Variants in DIP2A observed in about 807,000 individuals in gnomAD.
The protein encoded by DIP2A is disco-interacting protein 2 homolog A.
Under a neutral mutation model 177.4 loss-of-function variants are expected in DIP2A, and 85 were observed. That is an observed-to-expected ratio of 0.48 (90% CI 0.40 to 0.57). The LOEUF is 0.57. Ranked by LOEUF, DIP2A falls within the 20% of genes least tolerant of loss-of-function variation. DIP2A has a pLI of 0.00. For synonymous variants in DIP2A, 886 were observed against 881.8 expected, an observed-to-expected ratio of 1.00 and a Z score of -0.08; for missense variants, 1,791 against 2,100.2, an observed-to-expected ratio of 0.85 and a Z score of 2.88.
intron 3 of DIP2A, among the ~76,000 whole-genome samples, chr21:46,495,734 A>T (rs927013479): frequency 2.0e-5 from 3 of 152,116 alleles, no homozygotes; most frequent in Non-Finnish European, 4.4e-5. Flanking sequence ...CAGCTTCCTG[A>T]GTAGCTGGGA....
At chr21:46,477,617 A>G (rs1161438374) in intron 1 of DIP2A, among the ~76,000 whole-genome samples, 4 of 124,336 alleles carry the variant, frequency 3.2e-5, no homozygotes, top group East Asian at 5.0e-4. Context: ...CCTGTCGCCC[A>G]GGCTGGAGTA....
chr21:46,560,731 G>A lies in DIP2A; in HGVS notation c.3979G>A (p.Gly1327Ser), dbSNP rs1238719207. The change falls in exon 33 of 38, where the codon GGC becomes AGC. Residue 1327 changes from glycine (G) to serine (S), a missense_variant. Coordinates refer to ENST00000417564, the MANE Select transcript of DIP2A (RefSeq NM_015151.4). Reference protein sequence around the residue: ...NVAICLQGTAGPDPTTVYVDM... With the variant: ...NVAICLQGTASPDPTTVYVDM... Reference sequence around the variant, plus strand: ...GCTGCTCTCCTTCCAGGGCACAGCTGGCCCGGACCCCACAACCGTCTACGT... The same window carrying A: ...GCTGCTCTCCTTCCAGGGCACAGCTAGCCCGGACCCCACAACCGTCTACGT... 1 of 1,608,558 alleles carries A rather than the reference G, an allele frequency of 6.2e-7. No homozygotes were observed. The highest frequency in any genetic ancestry group is 1.3e-5 in the African/African-American group (1 of 74,960).
At chr21:46,462,943 G>A (rs1305126887) in intron 1 of DIP2A, 1 of 152,200 alleles carries the variant, frequency 6.6e-6, no homozygotes, top group Non-Finnish European at 1.5e-5. Flanking sequence ...CTGGTAGAAT[G>A]CTATGATTTA....
intron 36 of DIP2A, 123 bp downstream of exon 36, chr21:46,566,010 G>A (rs2060826015): frequency 1.7e-6 from 2 of 1,170,524 alleles, no homozygotes; most frequent in African/African-American, 1.5e-5. Flanking sequence ...TCCTTGTGGG[G>A]GGAAGATGTT....
rs8130290 is a variant in DIP2A, at chr21:46,521,138, C to T, written c.1103-7954C>T. On this transcript the variant is annotated intron_variant, in intron 8 of 37. Transcript: ENST00000417564. ...TCCAAATAATCTGTCTCCTTTCTTT[C>T]CCTTCTTTTTCCTATAGTTTATTCA... Among the ~76,000 whole-genome samples the T allele has an allele frequency of 1.7e-3, 258 of 152,220 alleles. 3 individuals carry two copies. Among genetic ancestry groups the T allele is most frequent in the African/African-American group, 5.8e-3 (242 of 41,540 alleles).
chr21:46,567,297 C>T (rs776200120), intron 37 of DIP2A, 73 bp from the exon 38 acceptor site: 1 of 1,545,040 alleles, frequency 6.5e-7, no homozygotes, highest in Non-Finnish European at 8.7e-7. Flanking sequence ...TTGTGCCACC[C>T]TTTCCCAAGC....
chr21:46,484,342 A>G (rs1405473350), intron 1 of DIP2A, among the ~76,000 whole-genome samples: 3 of 152,206 alleles, frequency 2.0e-5, no homozygotes, highest in Non-Finnish European at 4.4e-5. Flanking sequence ...TGACAAACGC[A>G]TATGCTCATG....
rs1284365417 is a variant in DIP2A at position 46,550,425 on chromosome 21, G to C, written c.2638-118G>C. On this transcript the variant is annotated intron_variant, in intron 22 of 37. Coordinates refer to ENST00000417564, the MANE Select transcript of DIP2A (RefSeq NM_015151.4). ...TCCTCATTTAACAAAGTGTCCAGAGGGCATTCCATTTCCTGGCCTGGGGAA... is the reference window on the plus strand; with the variant it reads ...TCCTCATTTAACAAAGTGTCCAGAGCGCATTCCATTTCCTGGCCTGGGGAA... 3.3e-6 allele frequency: 3 copies of C among 915,672 alleles called. No individual in the cohort carries two copies. The African/African-American group carries it at 5.0e-5, about 15-fold the overall frequency. The allele number at this position is 915,672 out of a possible 1,614,324, so 56.7% of individuals were successfully genotyped here.
At chr21:46,571,888 T>G (rs778303364), downstream of DIP2A, among the ~76,000 whole-genome samples, 2 of 152,240 alleles carry the variant, frequency 1.3e-5, no homozygotes, top group Non-Finnish European at 2.9e-5. Context: ...GAATATGCTT[T>G]CTTTCTTTCT....
At chr21:46,544,009 G>A (rs993147240) in intron 18 of DIP2A, among the ~76,000 whole-genome samples, 2 of 152,146 alleles carry the variant, frequency 1.3e-5, no homozygotes, top group South Asian at 4.1e-4. Context: ...GGCACAGAAG[G>A]ACAGTTCCTA....
intron 20 of DIP2A, 72 bp downstream of exon 20, chr21:46,546,033 G>T: frequency 6.2e-7 from 1 of 1,608,110 alleles, no homozygotes; most frequent in Non-Finnish European, 8.5e-7. Context: ...ACACCTCGTT[G>T]CAGCCCCACC....
intron 3 of DIP2A, among the ~76,000 whole-genome samples, chr21:46,491,006 T>G (rs1387337653): frequency 6.6e-6 from 1 of 152,240 alleles, no homozygotes; most frequent in African/African-American, 2.4e-5. Context: ...AATAATTTCT[T>G]TAAAACTTTT....
chr21:46,498,569 A>C lies in DIP2A; in HGVS notation c.404-13A>C. On this transcript the variant is annotated splice_polypyrimidine_tract_variant and intron_variant, in intron 4 of 37. Coordinates refer to ENST00000417564, the MANE Select transcript of DIP2A (RefSeq NM_015151.4). This position sits in a 1 kb window ranked among gnomAD's most constrained non-coding sequence, Gnocchi z 4.3. ...TCCCGATATCATGCCTGTCATCGTT[A>C]TTTTAACCACAGACACGTCGTCTGC... The C allele has an allele frequency of 6.3e-7, 1 of 1,596,988 alleles. No individual in the cohort carries two copies. Among genetic ancestry groups the C allele is most frequent in the Non-Finnish European group, 8.5e-7 (1 of 1,169,860 alleles).
At chr21:46,573,349 T>C (rs961490462), downstream of DIP2A, among the ~76,000 whole-genome samples, 1 of 151,972 alleles carries the variant, frequency 6.6e-6, no homozygotes, top group African/African-American at 2.4e-5. Context: ...TATTAATATA[T>C]TGAGAGTGAC....
downstream of DIP2A, among the ~76,000 whole-genome samples, chr21:46,573,645 CAAAAAAAAAAAAAAA>C (rs201994694): frequency 3.8e-4 from 20 of 52,978 alleles, no homozygotes; most frequent in Admixed American, 1.0e-3. Flanking sequence ...CCCTCTCTCA[CAAAAAAAAAAAAAAA>C]AAAAAAAAAA....
intron 18 of DIP2A, among the ~76,000 whole-genome samples, chr21:46,542,582 G>T (rs1731293330): frequency 1.3e-5 from 2 of 152,244 alleles, no homozygotes; most frequent in Non-Finnish European, 2.9e-5. Flanking sequence ...TTTCCTTGCT[G>T]GCCTGAGGCA....
chr21:46,520,764 C>T (rs747342562), intron 8 of DIP2A, among the ~76,000 whole-genome samples: 10 of 152,144 alleles, frequency 6.6e-5, no homozygotes, highest in Non-Finnish European at 1.0e-4. Context: ...AAGTTTCACA[C>T]GATTTTGGAA....
chr21:46,498,495 G>T lies in DIP2A; in HGVS notation c.404-87G>T. Reference sequence around the variant, plus strand: ...GTGTACAGAAGCATGCTGCACACAGGTCTGGGAGGCTCCAGTGTGAGTGGG... The same window carrying T: ...GTGTACAGAAGCATGCTGCACACAGTTCTGGGAGGCTCCAGTGTGAGTGGG... On this transcript the variant is annotated intron_variant, in intron 4 of 37. Transcript: ENST00000417564. This position sits in a 1 kb window ranked among gnomAD's most constrained non-coding sequence, Gnocchi z 4.3. 1 of 1,498,038 alleles carries T rather than the reference G, an allele frequency of 6.7e-7. No homozygotes were observed. The highest frequency in any genetic ancestry group is 1.8e-5 in the Admixed American group (1 of 55,094). 92.8% of individuals were successfully genotyped at this position (1,498,038 alleles called of 1,614,324 possible).
chr21:46,510,518 C>T lies in DIP2A; in HGVS notation c.905-899C>T, dbSNP rs533640627. On this transcript the variant is annotated intron_variant, in intron 7 of 37. Transcript: ENST00000417564. ...ATGCATCTTAGAGCAGTGTTTCTTA[C>T]CACTTGGGCAAATTTTGGTTATACA... Among the ~76,000 whole-genome samples the T allele has an allele frequency of 7.9e-5, 12 of 152,132 alleles. No homozygotes were observed. The South Asian group carries it at 2.1e-3, about 26-fold the overall frequency.
Sources: allele counts gnomAD v4.1 joint callset (sites outside exome capture counted in the v4.1 genomes callset), GRCh38; gene constraint gnomAD v4.1.1; non-coding constraint Gnocchi (gnomAD v3.1); transcripts MANE v1.5; gene names NCBI Gene and HGNC (gene_info 2026-07-23, HGNC 2026-07-21).